WDR81: variants seen among roughly 807,000 people sequenced by gnomAD.
WDR81 encodes the protein WD repeat domain 81.
WDR81 carries 92 observed loss-of-function variants against 140.8 expected under a neutral mutation model. The ratio of observed to expected loss-of-function variants is 0.65; its 90% CI spans 0.55 to 0.78. The LOEUF (loss-of-function observed/expected upper bound fraction) is 0.78. WDR81 is among the 30% of genes least tolerant of loss of function. The pLI is 0.00. For synonymous variants in WDR81, 1,183 were observed against 1,156.4 expected (o/e 1.02, Z -0.47); for missense variants, 2,502 against 2,636.4 (o/e 0.95, Z 1.12).
Position 1,738,048 on chromosome 17 carries a change from C to T in WDR81, c.*363C>T, listed in dbSNP as rs980097899. 3.9e-5 allele frequency: 13 copies of T among 336,240 alleles called. No homozygotes were observed. The highest frequency in any genetic ancestry group is 1.9e-4 in the Admixed American group (4 of 21,438). 20.8% of individuals were successfully genotyped at this position (336,240 alleles called of 1,614,324 possible). ...GGAAGGGAGACTGGCCCTGCCCAGC[C>T]GGTCTCTAGCCCCTCAGCCCCCGCT... is the stretch of plus-strand genomic sequence containing the variant. On this transcript the variant is annotated 3_prime_UTR_variant, in exon 10 of 10. Transcript: ENST00000409644.
intron 9 of WDR81, 45 bp downstream of exon 9, chr17:1,736,263 CT>C (rs753325752): frequency 5.1e-6 from 8 of 1,568,788 alleles, no homozygotes; most frequent in East Asian, 2.2e-5. Flanking sequence ...ACCCCCGCCC[CT>C]GTCCAGCCAT....
chr17:1,727,335 C>T lies in WDR81; in HGVS notation c.2376C>T (p.Pro792=), dbSNP rs977873279. The T allele has an allele frequency of 1.2e-5, 18 of 1,549,798 alleles. No homozygotes were observed. Among genetic ancestry groups the T allele is most frequent in the East Asian group, 2.4e-5 (1 of 40,932 alleles). ...VFATRVRTLQ[P]DAPLWVRFQA... ...CCACCAGGGTGCGGACGCTGCAGCCCGATGCACCTTTGTGGGTACGCTTCC... is the reference window on the plus strand; with the variant it reads ...CCACCAGGGTGCGGACGCTGCAGCCTGATGCACCTTTGTGGGTACGCTTCC... Residue 792 remains proline, a synonymous_variant, in exon 1 of 10, where the codon CCC becomes CCT. Transcript: ENST00000409644.
At chr17:1,733,022 CAA>C (rs1418740971) in intron 6 of WDR81, 191 bp downstream of exon 6, 2 of 672,940 alleles carry the variant, frequency 3.0e-6, no homozygotes, top group Non-Finnish European at 4.7e-6. Context: ...CAGTAGCCAG[CAA>C]GAGAGGCCCA....
At position 1,735,874 on chromosome 17, in the gene WDR81, C is replaced by T. The variant is rs1319226908; in HGVS notation, c.5325+157C>T. The T allele has an allele frequency of 2.2e-6, 3 of 1,363,392 alleles. No individual in the cohort carries two copies. The highest frequency in any genetic ancestry group is 2.7e-5 in the Admixed American group (1 of 37,556). 84.5% of individuals were successfully genotyped at this position (1,363,392 alleles called of 1,614,324 possible). On this transcript the variant is annotated intron_variant, in intron 8 of 9. Coordinates refer to ENST00000409644, the MANE Select transcript of WDR81 (RefSeq NM_001163809.2). This position sits in a 1 kb window ranked among gnomAD's most constrained non-coding sequence, Gnocchi z 4.2. ...ACCCACAGCCACACATCCTGCGGGG[C>T]AGGACTCTGGCCTGTGATGGGGGTG... is the stretch of plus-strand genomic sequence containing the variant.
At position 1,733,762 on chromosome 17, in the gene WDR81, G is replaced by A; in HGVS notation, c.4725G>A (p.Arg1575=). The part of the protein sequence containing the change: ...GNRIQIPNDS[R]PENPGPLGPI... ...GCATTCAGATCCCCAATGACTCTCG[G>A]CCTGAGAACCCCGGACCACTGGGCC... Residue 1575 remains arginine, a synonymous_variant, in exon 7 of 10, where the codon CGG becomes CGA. Coordinates refer to ENST00000409644, the MANE Select transcript of WDR81 (RefSeq NM_001163809.2). The A allele has an allele frequency of 1.2e-6, 2 of 1,612,556 alleles. No individual in the cohort carries two copies. The highest frequency in any genetic ancestry group is 1.7e-6 in the Non-Finnish European group (2 of 1,179,792).
Position 1,728,418 on chromosome 17 carries a change from G to C in WDR81, c.3459G>C (p.Glu1153Asp). The C allele has an allele frequency of 6.2e-7, 1 of 1,612,688 alleles. No individual in the cohort carries two copies. The highest frequency in any genetic ancestry group is 1.1e-5 in the South Asian group (1 of 90,974). ...SQDLKQSEGS[E>D]EEEEEEDSCV... ...ACTTGAAGCAAAGCGAGGGCTCCGAGGAGGAAGAGGAGGAGGAGGACAGCT... is the reference window on the plus strand; with the variant it reads ...ACTTGAAGCAAAGCGAGGGCTCCGACGAGGAAGAGGAGGAGGAGGACAGCT... Residue 1153 changes from glutamate to aspartate, a missense_variant, in exon 1 of 10, where the codon GAG (glutamate) becomes GAC (aspartate). Physicochemically the swap from Glu to Asp is conservative, Grantham distance 45. This residue lies in a region of WDR81 where 1,737 missense variants were observed against 1,843.0 expected (regional missense o/e 0.94). Coordinates refer to ENST00000409644, the MANE Select transcript of WDR81 (RefSeq NM_001163809.2).
rs773453878 is a variant in WDR81 at position 1,733,865 on chromosome 17, G to T, written c.4828G>T (p.Val1610Leu). The T allele has an allele frequency of 1.9e-6, 3 of 1,612,804 alleles. No individual in the cohort carries two copies. The highest frequency in any genetic ancestry group is 2.5e-6 in the Non-Finnish European group (3 of 1,179,936). Reference protein sequence around the residue: ...NALKQELPRSVHGLSGNWLAY... With the variant: ...NALKQELPRSLHGLSGNWLAY... ...CCTGAAGCAGGAGCTGCCGCGGAGC[G>T]TGCACGGGCTGAGCGGAAACTGGCT... is the stretch of plus-strand genomic sequence containing the variant. The change falls in exon 7 of 10, where the codon GTG becomes TTG. Residue 1610 changes from valine to leucine, a missense_variant. By Grantham distance (32) the Val-to-Leu change is conservative (BLOSUM62 1). Coordinates refer to ENST00000409644, the MANE Select transcript of WDR81 (RefSeq NM_001163809.2).
rs1198379349 is a variant in WDR81 at position 1,726,505 on chromosome 17, G to C, written c.1546G>C (p.Ala516Pro). The C allele has an allele frequency of 1.3e-6, 2 of 1,550,344 alleles. No homozygotes were observed. Among genetic ancestry groups the C allele is most frequent in the Non-Finnish European group, 1.7e-6 (2 of 1,147,012 alleles). The change falls in exon 1 of 10, where the codon GCC (alanine) becomes CCC (proline). Residue 516 changes from alanine (A) to proline (P), a missense_variant. Around this residue, in one of 3 missense-constraint regions of WDR81, gnomAD observed 218 missense variants for 279.6 expected, o/e 0.78. Transcript: ENST00000409644. ...HPDMPDLDVP[A>P]WCSSSQEFVA... The stretch of plus-strand genomic sequence containing the variant: ...CGACATGCCTGACCTGGATGTGCCA[G>C]CCTGGTGCAGCTCCAGCCAGGAGTT...
Position 1,735,749 on chromosome 17 carries a change from C to T in WDR81, c.5325+32C>T, listed in dbSNP as rs1217556171. On this transcript the variant is annotated intron_variant, in intron 8 of 9. Coordinates refer to ENST00000409644, the MANE Select transcript of WDR81 (RefSeq NM_001163809.2). This position sits in a 1 kb window ranked among gnomAD's most constrained non-coding sequence, Gnocchi z 4.2. ...GGGGTCCAGTTCCCTGAGCACTCGC[C>T]TGGTTCTCTGGGGACCTGGCAAGGA... 1 of 1,578,500 alleles carries T rather than the reference C, an allele frequency of 6.3e-7. No homozygotes were observed. The highest frequency in any genetic ancestry group is 8.6e-7 in the Non-Finnish European group (1 of 1,161,564).
chr17:1,721,252 G>A (rs1007628014), upstream of WDR81, among the ~76,000 whole-genome samples: 5 of 152,048 alleles, frequency 3.3e-5, no homozygotes, highest in South Asian at 2.1e-4. Context: ...CCAGCTACTC[G>A]GGATGCTGAG....
At chr17:1,734,362 A>G in intron 7 of WDR81, 146 bp downstream of exon 7, 2 of 971,658 alleles carry the variant, frequency 2.1e-6, no homozygotes, top group South Asian at 1.8e-5. Context: ...AGGGCTTCGA[A>G]TCTGTTAGAC....
At chr17:1,736,310 C>G in intron 9 of WDR81, 92 bp downstream of exon 9, 1 of 1,436,750 alleles carries the variant, frequency 7.0e-7, no homozygotes, top group Non-Finnish European at 9.3e-7. Context: ...CGGGTTCAGG[C>G]TCGAACTGGT....
In WDR81 at chr17:1,726,711, C is replaced by T. The variant is rs1359482045; in HGVS notation, c.1752C>T (p.Phe584=). The change falls in exon 1 of 10, where the codon TTC becomes TTT. Residue 584 remains phenylalanine, a synonymous_variant. Coordinates refer to ENST00000409644, the MANE Select transcript of WDR81 (RefSeq NM_001163809.2). ...CCAGCTACGGGGTGGTGCAGCTCTT[C>T]GATCAGCCACACCCCCAGCGCCTGG... is the stretch of plus-strand genomic sequence containing the variant. The part of the protein sequence containing the change: ...HLASYGVVQL[F]DQPHPQRLAG... 1.4e-5 allele frequency: 21 copies of T among 1,548,882 alleles called. No homozygotes were observed. Among genetic ancestry groups the T allele is most frequent in the Admixed American group, 2.0e-5 (1 of 50,978 alleles).
chr17:1,726,621 G>C lies in WDR81; in HGVS notation c.1662G>C (p.Gln554His), dbSNP rs200232668. ...ACCTCACGTTTGGCTATAAACTCCA[G>C]GGTAAGGAGGCTGTCAAGGAAAAGA... ...WIDLTFGYKL[Q>H]GKEAVKEKNV... Residue 554 changes from glutamine to histidine, a missense_variant, in exon 1 of 10, where the codon CAG becomes CAC. Transcript: ENST00000409644. The C allele has an allele frequency of 1.9e-6, 3 of 1,550,206 alleles. No homozygotes were observed. The highest frequency in any genetic ancestry group is 1.2e-5 in the South Asian group (1 of 84,062).
rs1233156401 is a variant in WDR81 at position 1,725,828 on chromosome 17, C to T, written c.869C>T (p.Ala290Val). 23 of 1,550,728 alleles carry T rather than the reference C, an allele frequency of 1.5e-5. No homozygotes were observed. In the South Asian group the frequency reaches 2.7e-4, roughly 18 times the overall value. The stretch of plus-strand genomic sequence containing the variant: ...GGGGCCCTGTCTTTGTATCACATCG[C>T]AGTGGATGAGAAGCTTTGCAGCGAG... ...ACGALSLYHI[A>V]VDEKLCSELR... The change falls in exon 1 of 10, where the codon GCA (alanine) becomes GTA (valine). Residue 290 changes from alanine (A) to valine (V), a missense_variant. By Grantham distance (64) the Ala-to-Val change is moderately conservative. Coordinates refer to ENST00000409644, the MANE Select transcript of WDR81 (RefSeq NM_001163809.2).
chr17:1,727,744 C>T lies in WDR81; in HGVS notation c.2785C>T (p.Leu929Phe). The T allele has an allele frequency of 6.4e-7, 1 of 1,550,724 alleles. No individual in the cohort carries two copies. Among genetic ancestry groups the T allele is most frequent in the Non-Finnish European group, 8.7e-7 (1 of 1,146,996 alleles). Residue 929 changes from leucine (L) to phenylalanine (F), a missense_variant, in exon 1 of 10, where the codon CTC becomes TTC. Transcript: ENST00000409644. The part of the protein sequence containing the change: ...EGLEILLPFV[L>F]SLMSEEHTAV... The stretch of plus-strand genomic sequence containing the variant: ...CCTGGAGATCCTGCTGCCCTTCGTG[C>T]TCTCACTCATGTCCGAGGAGCACAC...
chr17:1,717,632 T>C (rs1914648971), intron 1 of WDR81, among the ~76,000 whole-genome samples: 1 of 152,178 alleles, frequency 6.6e-6, no homozygotes, highest in South Asian at 2.1e-4. Flanking sequence ...GAATCAGCTG[T>C]TACCACATCC....
chr17:1,719,817 A>G (rs1914771322), upstream of WDR81, among the ~76,000 whole-genome samples: 1 of 152,150 alleles, frequency 6.6e-6, no homozygotes, highest in Non-Finnish European at 1.5e-5. Flanking sequence ...AGCCTGGGCA[A>G]CATGATGAAA....
At chr17:1,718,299 G>C (rs970539293) in intron 1 of WDR81, among the ~76,000 whole-genome samples, 6 of 152,082 alleles carry the variant, frequency 3.9e-5, no homozygotes, top group Non-Finnish European at 7.4e-5. Context: ...TGTATTTTTA[G>C]TAGAGATGGT....
Sources: allele counts gnomAD v4.1 joint callset (sites outside exome capture counted in the v4.1 genomes callset), GRCh38; gene constraint gnomAD v4.1.1; regional missense constraint gnomAD v4.1.1; non-coding constraint Gnocchi (gnomAD v3.1); transcripts MANE v1.5; gene names NCBI Gene and HGNC (gene_info 2026-07-23, HGNC 2026-07-21).